SHANK2: variants seen among roughly 807,000 people sequenced by gnomAD.
SHANK2 encodes the protein SH3 and multiple ankyrin repeat domains protein 2.
A neutral mutation model predicts 133.7 loss-of-function variants in SHANK2; 43 were observed. The observed-to-expected ratio is 0.32, with a 90% confidence interval of 0.25 to 0.41. The LOEUF is 0.41. Among genes scored for constraint, SHANK2 ranks in the 10% least tolerant of loss-of-function variants. SHANK2 has a pLI of 1.00. For missense variants in SHANK2, 1,994 were observed against 2,235.8 expected, an observed-to-expected ratio of 0.89 and a Z score of 2.18; for synonymous variants, 1,017 against 952.8, an observed-to-expected ratio of 1.07 and a Z score of -1.24.
At chr11:70,624,991 A>AC (rs2060885398) in intron 17 of SHANK2, among the ~76,000 whole-genome samples, 1 of 152,168 alleles carries the variant, frequency 6.6e-6, no homozygotes, top group Non-Finnish European at 1.5e-5. Context: ...CTCAATTCAG[A>AC]CACCAGCTGC....
chr11:70,790,612 T>G (rs1173369359), intron 14 of SHANK2, among the ~76,000 whole-genome samples: 1 of 152,236 alleles, frequency 6.6e-6, no homozygotes, highest in African/African-American at 2.4e-5. Context: ...GCTGCTGGAC[T>G]GCCCAGAGGA....
intron 14 of SHANK2, among the ~76,000 whole-genome samples, chr11:70,749,130 G>A (rs565403015): frequency 6.6e-6 from 1 of 152,292 alleles, no homozygotes; most frequent in South Asian, 2.1e-4. Flanking sequence ...TGGCACAGGC[G>A]ACTAAAACCC....
At chr11:71,141,671 G>A (rs184769297) in intron 3 of SHANK2, among the ~76,000 whole-genome samples, 1 of 152,218 alleles carries the variant, frequency 6.6e-6, no homozygotes, top group Non-Finnish European at 1.5e-5. Flanking sequence ...TTACCAGCAT[G>A]AGAATGGGCT....
intron 8 of SHANK2, among the ~76,000 whole-genome samples, chr11:71,089,446 AGTGT>A (rs1262578229): frequency 2.6e-5 from 4 of 151,280 alleles, no homozygotes; most frequent in Admixed American, 1.3e-4. Context: ...CGTGCGTGCG[AGTGT>A]GTGTGTGTGT....
At chr11:70,796,489 G>A (rs1226962667) in intron 14 of SHANK2, among the ~76,000 whole-genome samples, 1 of 152,208 alleles carries the variant, frequency 6.6e-6, no homozygotes, top group Non-Finnish European at 1.5e-5. Flanking sequence ...AGAGGGAGGA[G>A]TGGTGGCTGC....
chr11:70,770,709 G>A (rs1947228976), intron 14 of SHANK2, among the ~76,000 whole-genome samples: 4 of 152,072 alleles, frequency 2.6e-5, no homozygotes, highest in African/African-American at 4.8e-5. Context: ...CACCCATTTC[G>A]GTTCTCTGAG....
At position 71,241,624 on chromosome 11, in the gene SHANK2, T is replaced by C. The variant is rs186576384; in HGVS notation, c.-113+10801A>G. Among the ~76,000 whole-genome samples the C allele has an allele frequency of 1.6e-3, 251 of 152,346 alleles. 2 individuals are homozygous for C. The highest frequency in any genetic ancestry group is 5.9e-3 in the African/African-American group (245 of 41,576). ...GTCCCTGTTTTTCTTGGGATCCAGC[T>C]CTAGGCTGGGGCTGAACCCACAAAG... On this transcript the variant is annotated intron_variant, in intron 1 of 25. Transcript: ENST00000601538.
intron 12 of SHANK2, among the ~76,000 whole-genome samples, chr11:70,814,330 A>AC (rs1263528389): frequency 2.0e-5 from 3 of 151,648 alleles, no homozygotes; most frequent in African/African-American, 7.3e-5. Context: ...GTCTCAAAAA[A>AC]AAAAAAAAGA....
chr11:71,134,229 C>T (rs1952393338), intron 3 of SHANK2, among the ~76,000 whole-genome samples: 2 of 150,532 alleles, frequency 1.3e-5, no homozygotes, highest in African/African-American at 2.4e-5. Flanking sequence ...GGTGCCACCC[C>T]ATCACTGACG....
At chr11:71,226,192 T>C (rs1429772699) in intron 1 of SHANK2, among the ~76,000 whole-genome samples, 1 of 152,106 alleles carries the variant, frequency 6.6e-6, no homozygotes, top group Non-Finnish European at 1.5e-5. Context: ...GTGGATGGAC[T>C]CAACAGCAGA....
At position 71,097,260 on chromosome 11, in the gene SHANK2, G is replaced by A. The variant is rs1406121538; in HGVS notation, c.593-2572C>T. 3.9e-5 allele frequency among the ~76,000 whole-genome samples: 6 copies of A among 152,082 alleles called. 1 individual carries two copies. Among genetic ancestry groups the A allele is most frequent in the Admixed American group, 3.3e-4 (5 of 15,270 alleles). On this transcript the variant is annotated intron_variant, in intron 6 of 25. Coordinates refer to ENST00000601538, the MANE Select transcript of SHANK2 (RefSeq NM_012309.5). The stretch of plus-strand genomic sequence containing the variant: ...CACATTTGCAAAGAGCACGTCCGCT[G>A]AGGTTCCACATTTGGGGCTGATGGA...
rs117475056 is a variant in SHANK2 at position 70,681,652 on chromosome 11, C to T, written c.1853+17036G>A. Among the ~76,000 whole-genome samples the T allele has an allele frequency of 9.7e-4, 147 of 152,266 alleles. 2 individuals carry two copies. In the East Asian group the frequency reaches 0.025, roughly 26 times the overall value. On this transcript the variant is annotated intron_variant, in intron 15 of 25. Coordinates refer to ENST00000601538, the MANE Select transcript of SHANK2 (RefSeq NM_012309.5). Reference sequence around the variant, plus strand: ...TTCGCATGAAGGGAGACTGAACGGACGCTGGGGCACGCTGAGCTCCCCAGA... The same window carrying T: ...TTCGCATGAAGGGAGACTGAACGGATGCTGGGGCACGCTGAGCTCCCCAGA...
At chr11:71,128,724 G>C (rs73521197) in intron 3 of SHANK2, among the ~76,000 whole-genome samples, 7,476 of 152,202 alleles carry the variant, frequency 0.049, 562 homozygotes, top group African/African-American at 0.17. Flanking sequence ...ATCTGTCTCA[G>C]CACCACTGCA....
chr11:70,544,240 C>A (rs1263310512), intron 17 of SHANK2, among the ~76,000 whole-genome samples: 1 of 152,194 alleles, frequency 6.6e-6, no homozygotes, highest in Non-Finnish European at 1.5e-5. Context: ...CCTCTCCAGC[C>A]CCGGCCTGCC....
chr11:70,890,224 C>T (rs1283838853), intron 11 of SHANK2, among the ~76,000 whole-genome samples: 1 of 152,168 alleles, frequency 6.6e-6, no homozygotes, highest in African/African-American at 2.4e-5. Flanking sequence ...TGTCACCAGG[C>T]TGGGCGTGGT....
At chr11:71,060,981 A>G (rs1375865743) in intron 9 of SHANK2, among the ~76,000 whole-genome samples, 1 of 152,230 alleles carries the variant, frequency 6.6e-6, no homozygotes, top group Non-Finnish European at 1.5e-5. Flanking sequence ...AAAAATATGT[A>G]AGGGAATTTT....
chr11:70,546,309 C>T (rs907738278), intron 17 of SHANK2, among the ~76,000 whole-genome samples: 42 of 152,156 alleles, frequency 2.8e-4, no homozygotes, highest in Non-Finnish European at 1.6e-4. Context: ...GCTCAACCTC[C>T]AGCCCCTCTT....
intron 3 of SHANK2, among the ~76,000 whole-genome samples, chr11:71,132,933 G>C (rs539171903): frequency 1.8e-4 from 28 of 152,308 alleles, no homozygotes; most frequent in African/African-American, 6.5e-4. Context: ...GAGGCAGAGG[G>C]AAGGCTGAGG....
intron 1 of SHANK2, among the ~76,000 whole-genome samples, chr11:71,237,469 T>C (rs1474504495): frequency 6.6e-6 from 1 of 152,200 alleles, no homozygotes; most frequent in Non-Finnish European, 1.5e-5. Context: ...GAACAGGTGT[T>C]TTACCCTTTG....
Sources: gnomAD v4.1 joint callset for allele counts (sites outside exome capture counted in the v4.1 genomes callset) on GRCh38, gnomAD v4.1.1 for gene constraint, MANE v1.5 for transcripts, NCBI Gene and HGNC (gene_info 2026-07-23, HGNC 2026-07-21) for gene names.